ERC2: variants seen among roughly 807,000 people sequenced by gnomAD.
ERC2 encodes the protein ELKS/RAB6-interacting/CAST family member 2, also known as ERC protein 2.
Under a neutral mutation model 114.8 loss-of-function variants are expected in ERC2, and 42 were observed. The ratio of observed to expected loss-of-function variants is 0.37; its 90% CI spans 0.29 to 0.47. The LOEUF (loss-of-function observed/expected upper bound fraction) is 0.47, where lower values mean the gene tolerates loss of function less well. Ranked by LOEUF, ERC2 falls within the 20% of genes least tolerant of loss-of-function variation. The probability of loss-of-function intolerance (pLI) is 0.99; values close to 1 mark genes in which losing one functional copy is unlikely to be tolerated. For synonymous variants in ERC2, 454 were observed against 425.5 expected, an observed-to-expected ratio of 1.07 and a Z score of -0.82; for missense variants, 939 against 1,150.7, an observed-to-expected ratio of 0.82 and a Z score of 2.66.
At chr3:56,343,184 T>A (rs62255867) in intron 2 of ERC2, among the ~76,000 whole-genome samples, 8 of 16,916 alleles carry the variant, frequency 4.7e-4, no homozygotes, top group Non-Finnish European at 1.1e-3. Flanking sequence ...TCTCTCTCTC[T>A]CTCTCTCTCA....
At chr3:55,765,119 C>T (rs1198222604) in intron 14 of ERC2, among the ~76,000 whole-genome samples, 1 of 152,132 alleles carries the variant, frequency 6.6e-6, no homozygotes, top group Non-Finnish European at 1.5e-5. Flanking sequence ...CCTACAAGTC[C>T]ACATGATCTA....
chr3:55,992,724 A>G (rs2071178729), intron 10 of ERC2, among the ~76,000 whole-genome samples: 1 of 152,246 alleles, frequency 6.6e-6, no homozygotes, highest in Non-Finnish European at 1.5e-5. Context: ...CAGATAACAT[A>G]TAAGAGACTG....
intron 12 of ERC2, among the ~76,000 whole-genome samples, chr3:55,955,905 T>C (rs1029396998): frequency 2.0e-5 from 3 of 152,214 alleles, no homozygotes; most frequent in African/African-American, 7.2e-5. Context: ...TCTAGCTGCG[T>C]GGCCGTGGGC....
chr3:56,010,289 A>G (rs1337239339), intron 9 of ERC2, among the ~76,000 whole-genome samples, 160 bp downstream of exon 9: 2 of 152,198 alleles, frequency 1.3e-5, no homozygotes, highest in Non-Finnish European at 2.9e-5. Context: ...TTACAAAAAA[A>G]AAAATTCCTT....
chr3:56,443,856 A>C (rs1309597106), intron 1 of ERC2, among the ~76,000 whole-genome samples: 1 of 152,076 alleles, frequency 6.6e-6, no homozygotes, highest in Non-Finnish European at 1.5e-5. Flanking sequence ...GGTTTTAGGA[A>C]AAAAGGTAGC....
chr3:56,293,529 G>A (rs1465202500), intron 3 of ERC2, among the ~76,000 whole-genome samples: 3 of 152,222 alleles, frequency 2.0e-5, no homozygotes, highest in Non-Finnish European at 4.4e-5. Flanking sequence ...TCACAGGGCA[G>A]TACAACCCTT....
intron 2 of ERC2, among the ~76,000 whole-genome samples, chr3:56,335,376 T>C (rs1485771349): frequency 6.6e-6 from 1 of 152,178 alleles, no homozygotes; most frequent in Non-Finnish European, 1.5e-5. Context: ...AATTTCTCCA[T>C]GATTTTACCA....
intron 13 of ERC2, among the ~76,000 whole-genome samples, chr3:55,926,862 T>C (rs1317715020): frequency 6.6e-6 from 1 of 152,220 alleles, no homozygotes; most frequent in Non-Finnish European, 1.5e-5. Flanking sequence ...GACTTCAGAA[T>C]ACCCAATGCA....
intron 3 of ERC2, among the ~76,000 whole-genome samples, chr3:56,282,301 T>G (rs1409178093): frequency 6.6e-6 from 1 of 151,998 alleles, no homozygotes; most frequent in Admixed American, 6.6e-5. Context: ...AGGAAAATGA[T>G]TAAGGTTAAA....
intron 12 of ERC2, among the ~76,000 whole-genome samples, chr3:55,962,926 G>C (rs115805598): frequency 0.034 from 5,124 of 152,300 alleles, 163 homozygotes; most frequent in African/African-American, 0.083. Flanking sequence ...TACTATGTCT[G>C]TTCTGTAGTT....
chr3:55,794,224 A>T (rs2070291209), intron 14 of ERC2, among the ~76,000 whole-genome samples: 1 of 152,174 alleles, frequency 6.6e-6, no homozygotes, highest in Non-Finnish European at 1.5e-5. Context: ...TCCTTTTGCT[A>T]TCTGGTGCCA....
intron 7 of ERC2, 84 bp from the exon 8 acceptor site, chr3:56,019,115 A>G (rs2073528651): frequency 9.8e-7 from 1 of 1,019,760 alleles, no homozygotes; most frequent in Non-Finnish European, 1.4e-6. Context: ...TTAATAAAAA[A>G]AGAAAGAAAA....
At position 55,749,913 on chromosome 3, in the gene ERC2, A is replaced by G. The variant is rs2148963694; in HGVS notation, c.2565-14995T>C. On this transcript the variant is annotated intron_variant, in intron 14 of 17. Coordinates refer to ENST00000288221, the MANE Select transcript of ERC2 (RefSeq NM_015576.3). ...TTGAAGTCGGTGAGACCACGAACCC[A>G]CCAGCAGGAGCCAACTCCGGACACA... 2.0e-5 allele frequency among the ~76,000 whole-genome samples: 3 copies of G among 152,302 alleles called. No individual in the cohort carries two copies. The South Asian group carries it at 6.2e-4, about 32-fold the overall frequency.
intron 2 of ERC2, among the ~76,000 whole-genome samples, chr3:56,402,400 A>C (rs763689217): frequency 9.2e-5 from 14 of 152,182 alleles, no homozygotes; most frequent in Non-Finnish European, 1.9e-4. Context: ...ACAGATGGGC[A>C]TGTCTTATGG....
chr3:56,173,674 C>G (rs1257894433), intron 3 of ERC2, 154 bp from the exon 4 acceptor site: 2 of 620,148 alleles, frequency 3.2e-6, no homozygotes, highest in East Asian at 2.9e-5. Context: ...TCTTTAGCAT[C>G]CCTCCTGCCT....
At chr3:56,086,980 G>A (rs2077537527) in intron 6 of ERC2, among the ~76,000 whole-genome samples, 1 of 151,968 alleles carries the variant, frequency 6.6e-6, no homozygotes, top group African/African-American at 2.4e-5. Context: ...AATAAAACTT[G>A]GCAAAGCAAA....
In ERC2 at chr3:56,305,861, GTTTT is replaced by G. The variant is rs534749451; in HGVS notation, c.658-9430_658-9427del. ...TATATTGTCTTTTTTTTGTTTGTTTGTTTTTTTGAGACAAAGTCTCATCTGTGGC... is the reference window on the plus strand; with the variant it reads ...TATATTGTCTTTTTTTTGTTTGTTTGTTTGAGACAAAGTCTCATCTGTGGC... On this transcript the variant is annotated intron_variant, in intron 2 of 17. Coordinates refer to ENST00000288221, the MANE Select transcript of ERC2 (RefSeq NM_015576.3). Among the ~76,000 whole-genome samples the G allele has an allele frequency of 1.6e-3, 246 of 152,122 alleles. 1 individual carries two copies. The highest frequency in any genetic ancestry group is 2.6e-3 in the Non-Finnish European group (176 of 67,962).
At chr3:56,194,485 GA>G (rs1416983201) in intron 3 of ERC2, among the ~76,000 whole-genome samples, 1 of 152,018 alleles carries the variant, frequency 6.6e-6, no homozygotes, top group Non-Finnish European at 1.5e-5. Context: ...AGGCATAAAA[GA>G]TGAAAAATGG....
At chr3:56,138,686 C>T (rs1415430853) in intron 6 of ERC2, among the ~76,000 whole-genome samples, 2 of 152,162 alleles carry the variant, frequency 1.3e-5, no homozygotes, top group African/African-American at 2.4e-5. Flanking sequence ...GATTAGAATG[C>T]CTTCTAAAGT....
Sources: allele counts gnomAD v4.1 joint callset (sites outside exome capture counted in the v4.1 genomes callset), GRCh38; gene constraint gnomAD v4.1.1; transcripts MANE v1.5; gene names NCBI Gene and HGNC (gene_info 2026-07-23, HGNC 2026-07-21).